Variants in GABRG2 observed in about 807,000 individuals in gnomAD.
GABRG2 encodes the protein gamma-aminobutyric acid type A receptor subunit gamma2.
A neutral mutation model predicts 56.4 loss-of-function variants in GABRG2; 16 were observed. The observed-to-expected ratio is 0.28, with a 90% CI of 0.19 to 0.43. GABRG2 has a LOEUF of 0.43. Ranked by LOEUF, GABRG2 falls within the 20% of genes least tolerant of loss-of-function variation. GABRG2 has a pLI of 1.00. For synonymous variants in GABRG2, 208 were observed against 205.5 expected (o/e 1.01, Z -0.10); for missense variants, 327 against 582.7 (o/e 0.56, Z 4.52).
chr5:162,111,801 A>C (rs1581382190), intron 6 of GABRG2, among the ~76,000 whole-genome samples: 2 of 152,186 alleles, frequency 1.3e-5, no homozygotes, highest in South Asian at 4.1e-4. Flanking sequence ...ATGAATTAAA[A>C]TAAAAACTAT....
chr5:162,072,276 T>G (rs1758730726), intron 1 of GABRG2, among the ~76,000 whole-genome samples: 1 of 152,038 alleles, frequency 6.6e-6, no homozygotes, highest in Admixed American at 6.6e-5. Context: ...GGGTCCTGGC[T>G]ACCTCCCTAC....
At chr5:162,101,136 T>G in intron 4 of GABRG2, 99 bp from the exon 5 acceptor site, 12 of 838,132 alleles carry the variant, frequency 1.4e-5, no homozygotes, top group Non-Finnish European at 2.4e-5. Context: ...AATCAGAATG[T>G]GAGATATTCT....
At chr5:162,112,409 A>AT (rs3839308) in intron 6 of GABRG2, among the ~76,000 whole-genome samples, 15,446 of 151,304 alleles carry the variant, frequency 0.1, 1,167 homozygotes, top group East Asian at 0.28. Context: ...TTTGAAAGAC[A>AT]TTTTTTTTTT....
At chr5:162,112,131 A>C (rs990271794) in intron 6 of GABRG2, among the ~76,000 whole-genome samples, 1 of 152,176 alleles carries the variant, frequency 6.6e-6, no homozygotes, top group Non-Finnish European at 1.5e-5. Context: ...TGTATTTGTG[A>C]AAACTTGTTC....
At chr5:162,135,110 C>T (rs979012397) in intron 6 of GABRG2, among the ~76,000 whole-genome samples, 1 of 152,136 alleles carries the variant, frequency 6.6e-6, no homozygotes, top group Non-Finnish European at 1.5e-5. Context: ...GCAGCCAAAC[C>T]CATTTGTTCT....
chr5:162,109,771 C>A (rs1315045202), intron 6 of GABRG2, among the ~76,000 whole-genome samples: 1 of 151,986 alleles, frequency 6.6e-6, no homozygotes, highest in African/African-American at 2.4e-5. Flanking sequence ...TGTCATGTTG[C>A]CACGGCCAGC....
chr5:162,068,043 C>A lies in GABRG2; in HGVS notation c.44C>A (p.Ser15Ter), dbSNP rs750798004. Reference protein sequence around the residue: ...NIWSTGSSVYSTPVFSQKMTV... With the variant: ...NIWSTGSSVY ...TGGAGCACAGGAAGCTCAGTCTACT[C>A]GACTCCTGTATTTTCACAGAAAATG... Residue 15 changes from serine to a stop codon, truncating the protein, a stop_gained, in exon 1 of 10, where the codon TCG becomes TAG. Transcript: ENST00000639213. LOFTEE classifies it high-confidence loss of function. 2 of 1,612,928 alleles carry A rather than the reference C, an allele frequency of 1.2e-6. No homozygotes were observed. The highest frequency in any genetic ancestry group is 1.7e-5 in the Admixed American group (1 of 59,926).
intron 6 of GABRG2, among the ~76,000 whole-genome samples, chr5:162,124,818 TA>T (rs896837655): frequency 4.6e-5 from 7 of 151,820 alleles, no homozygotes; most frequent in Non-Finnish European, 7.4e-5. Context: ...TAATAGCTAA[TA>T]AATAGAAGAA....
rs186190311 is a variant in GABRG2, at chr5:162,105,652, G to A, written c.769+1626G>A. ...TCACCTTGTTAGCCAGGATGGTCTC[G>A]ATCTCCTGACCTTGTGATCCGCCTG... On this transcript the variant is annotated intron_variant, in intron 6 of 9. Coordinates refer to ENST00000639213, the MANE Select transcript of GABRG2 (RefSeq NM_198904.4). Among the ~76,000 whole-genome samples the A allele has an allele frequency of 6.3e-3, 961 of 151,600 alleles. 13 individuals are homozygous for A. The highest frequency in any genetic ancestry group is 0.022 in the African/African-American group (915 of 41,290).
At chr5:162,125,480 G>A (rs1763280661) in intron 6 of GABRG2, among the ~76,000 whole-genome samples, 1 of 143,616 alleles carries the variant, frequency 7.0e-6, no homozygotes, top group Admixed American at 6.7e-5. Flanking sequence ...AATGTAGATA[G>A]CAGCTTCACT....
chr5:162,075,120 A>C (rs1758990696), intron 1 of GABRG2, among the ~76,000 whole-genome samples: 1 of 152,190 alleles, frequency 6.6e-6, no homozygotes, highest in Non-Finnish European at 1.5e-5. Context: ...AAAGGCACTG[A>C]GGGTTGTTTT....
intron 6 of GABRG2, among the ~76,000 whole-genome samples, chr5:162,136,533 G>T (rs867430239): frequency 7.5e-4 from 114 of 152,192 alleles, no homozygotes; most frequent in African/African-American, 2.7e-3. Context: ...AAGAAAAGGG[G>T]TAAAGAGATT....
intron 1 of GABRG2, 59 bp downstream of exon 1, chr5:162,068,165 G>A: frequency 8.3e-7 from 1 of 1,211,106 alleles, no homozygotes; most frequent in South Asian, 1.2e-5. Flanking sequence ...AAGGTGTGGG[G>A]AGGGGTAACT....
chr5:162,142,325 C>T lies in GABRG2; in HGVS notation c.922+9C>T. 2 of 1,613,892 alleles carry T rather than the reference C, an allele frequency of 1.2e-6. No individual in the cohort carries two copies. The highest frequency in any genetic ancestry group is 1.1e-5 in the South Asian group (1 of 91,080). ...AGCCAGAACATCTTTAGGTGAGACA[C>T]CTTTGTTTATGTTGCAGTTTCTCAA... On this transcript the variant is annotated intron_variant, in intron 7 of 9. Coordinates refer to ENST00000639213, the MANE Select transcript of GABRG2 (RefSeq NM_198904.4).
intron 1 of GABRG2, among the ~76,000 whole-genome samples, chr5:162,091,513 T>A (rs1162777266): frequency 6.6e-6 from 1 of 152,024 alleles, no homozygotes; most frequent in Non-Finnish European, 1.5e-5. Flanking sequence ...TTCCCCAAAG[T>A]TGTTAACAGT....
chr5:162,083,906 A>C (rs569078740), intron 1 of GABRG2, among the ~76,000 whole-genome samples: 1 of 151,922 alleles, frequency 6.6e-6, no homozygotes, highest in Non-Finnish European at 1.5e-5. Flanking sequence ...TTCATAAAAC[A>C]AAGTATTTTT....
rs79315752 is a variant in GABRG2 at position 162,072,736 on chromosome 5, C to T, written c.107+4630C>T. ...ATACACAGACACAATCCTGTGACTC[C>T]GCAAAGTATTTATCATCAACCACAT... On this transcript the variant is annotated intron_variant, in intron 1 of 9. Transcript: ENST00000639213. 4.2e-3 allele frequency among the ~76,000 whole-genome samples: 633 copies of T among 151,820 alleles called. 6 individuals carry two copies. The highest frequency in any genetic ancestry group is 0.014 in the African/African-American group (593 of 41,436).
chr5:162,073,757 AG>A (rs772305961), intron 1 of GABRG2, among the ~76,000 whole-genome samples: 15 of 152,038 alleles, frequency 9.9e-5, no homozygotes, highest in Non-Finnish European at 2.2e-4. Flanking sequence ...AGAAAGTAAT[AG>A]GGATTTTACA....
intron 1 of GABRG2, among the ~76,000 whole-genome samples, chr5:162,082,699 G>T (rs1416009980): frequency 6.6e-6 from 1 of 151,500 alleles, no homozygotes; most frequent in Non-Finnish European, 1.5e-5. Context: ...TCTATAATCT[G>T]GAGTATTCAT....
Sources: gnomAD v4.1 joint callset for allele counts (sites outside exome capture counted in the v4.1 genomes callset) on GRCh38, gnomAD v4.1.1 for gene constraint, MANE v1.5 for transcripts, NCBI Gene and HGNC (gene_info 2026-07-23, HGNC 2026-07-21) for gene names.